The following NEBL variants were observed in gnomAD, a reference collection of about 807,000 sequenced individuals.
NEBL encodes the protein nebulette, also known as LIM and SH3 protein 2.
In NEBL, 122 loss-of-function variants were observed where a neutral mutation model predicts 140.2. The observed-to-expected ratio is 0.87, with a 90% CI of 0.75 to 1.01. The LOEUF (loss-of-function observed/expected upper bound fraction) is 1.01. Among genes scored for constraint, NEBL ranks in the 50% least tolerant of loss-of-function variants. NEBL has a pLI of 0.00. For missense variants in NEBL, 1,365 were observed against 1,231.3 expected, an observed-to-expected ratio of 1.11 and a Z score of -1.62; for synonymous variants, 436 against 398.9, an observed-to-expected ratio of 1.09 and a Z score of -1.11.
At chr10:21,000,421 A>G (rs575243754) in intron 3 of NEBL, among the ~76,000 whole-genome samples, 1 of 152,142 alleles carries the variant, frequency 6.6e-6, no homozygotes, top group Non-Finnish European at 1.5e-5. Context: ...TCCCCTGTCA[A>G]AAGTGACTTT....
At chr10:21,287,263 CAGT>C (rs1564556379) in intron 1 of NEBL, among the ~76,000 whole-genome samples, 1 of 152,104 alleles carries the variant, frequency 6.6e-6, no homozygotes. Flanking sequence ...AGGCTGGGCT[CAGT>C]AGTTCATGCC....
At chr10:21,169,067 A>AAAAATATATATATAT (rs1554830679) in intron 2 of NEBL, among the ~76,000 whole-genome samples, 12 of 23,058 alleles carry the variant, frequency 5.2e-4, no homozygotes, top group Non-Finnish European at 9.5e-4. Flanking sequence ...AAAAAAAAAA[A>AAAAATATATATATAT]ATATATATAT....
At chr10:21,004,535 A>G (rs1459229819) in intron 3 of NEBL, among the ~76,000 whole-genome samples, 2 of 152,158 alleles carry the variant, frequency 1.3e-5, no homozygotes, top group Non-Finnish European at 2.9e-5. Flanking sequence ...CCTGGCTAAC[A>G]CAGTGAAACC....
intron 2 of NEBL, among the ~76,000 whole-genome samples, chr10:21,106,636 T>G (rs1364445955): frequency 1.3e-5 from 2 of 152,200 alleles, no homozygotes; most frequent in African/African-American, 4.8e-5. Context: ...TCCCACTTTG[T>G]TCTTTTTGCT....
chr10:20,916,275 G>T (rs1223755964), intron 4 of NEBL, among the ~76,000 whole-genome samples: 1 of 152,168 alleles, frequency 6.6e-6, no homozygotes, highest in Admixed American at 6.5e-5. Flanking sequence ...GCAAAGTGGG[G>T]AAGGAGGGAA....
At chr10:20,844,268 A>C (rs1201226798) in intron 12 of NEBL, among the ~76,000 whole-genome samples, 1 of 152,050 alleles carries the variant, frequency 6.6e-6, no homozygotes, top group African/African-American at 2.4e-5. Flanking sequence ...CTGGTCTAAG[A>C]GATTTCCTTC....
intron 4 of NEBL, among the ~76,000 whole-genome samples, chr10:20,919,742 T>C (rs550237704): frequency 6.6e-6 from 1 of 152,216 alleles, no homozygotes; most frequent in East Asian, 1.9e-4. Flanking sequence ...GGGAATTGCT[T>C]TACAACCTGG....
At chr10:20,963,733 A>G (rs1836165783) in intron 3 of NEBL, among the ~76,000 whole-genome samples, 1 of 152,164 alleles carries the variant, frequency 6.6e-6, no homozygotes, top group African/African-American at 2.4e-5. Context: ...ACTGTTCAAC[A>G]ATCCTTTCCA....
intron 24 of NEBL, among the ~76,000 whole-genome samples, chr10:20,811,298 T>C (rs1386137753): frequency 6.6e-6 from 1 of 152,212 alleles, no homozygotes; most frequent in Non-Finnish European, 1.5e-5. Context: ...TCATGGTTTT[T>C]AGCAACGACC....
At chr10:20,794,503 AT>A in intron 26 of NEBL, among the ~76,000 whole-genome samples, 1 of 152,190 alleles carries the variant, frequency 6.6e-6, no homozygotes, top group East Asian at 1.9e-4. Flanking sequence ...AAATCTATTT[AT>A]TTTGGTGAAA....
Position 20,851,103 on chromosome 10 carries a change from C to T in NEBL, c.1009-601G>A, listed in dbSNP as rs548177298. 5.9e-5 allele frequency among the ~76,000 whole-genome samples: 9 copies of T among 152,078 alleles called. No homozygotes were observed. In the South Asian group the frequency reaches 1.7e-3, roughly 28 times the overall value. On this transcript the variant is annotated intron_variant, in intron 10 of 27. Transcript: ENST00000377122. ...TTACAGTCTAATCCTCATCTTACTTCGGTTTATAAAATGAGTGATATTTTT... is the reference window on the plus strand; with the variant it reads ...TTACAGTCTAATCCTCATCTTACTTTGGTTTATAAAATGAGTGATATTTTT...
intron 1 of NEBL, among the ~76,000 whole-genome samples, chr10:21,265,534 C>T (rs190898187): frequency 3.9e-5 from 6 of 152,256 alleles, no homozygotes; most frequent in African/African-American, 1.4e-4. Flanking sequence ...TGAATTCCCT[C>T]AGAAGCAGGT....
chr10:21,202,687 T>C (rs921974298), intron 3 of NEBL, among the ~76,000 whole-genome samples: 4 of 151,808 alleles, frequency 2.6e-5, no homozygotes, highest in Admixed American at 6.6e-5. Flanking sequence ...TGGTCTCGAT[T>C]TCCTGACCTC....
At chr10:21,169,481 A>T (rs1363643775) in intron 2 of NEBL, among the ~76,000 whole-genome samples, 6 of 152,164 alleles carry the variant, frequency 3.9e-5, no homozygotes, top group Admixed American at 3.9e-4. Flanking sequence ...CGTGAATTAG[A>T]GCCAATGAGT....
intron 13 of NEBL, among the ~76,000 whole-genome samples, chr10:20,839,209 C>T (rs944823186): frequency 3.9e-5 from 6 of 152,252 alleles, no homozygotes; most frequent in African/African-American, 1.4e-4. Context: ...CGCCATCCTG[C>T]CATTCAACTG....
chr10:20,814,134 A>T, intron 22 of NEBL, 91 bp from the exon 23 acceptor site: 1 of 814,052 alleles, frequency 1.2e-6, no homozygotes, highest in Non-Finnish European at 2.1e-6. Flanking sequence ...CATATGCAAC[A>T]TACTTGAAAT....
chr10:21,118,004 T>C (rs591652), intron 2 of NEBL, among the ~76,000 whole-genome samples: 30,970 of 152,054 alleles, frequency 0.2, 3,283 homozygotes, highest in East Asian at 0.32. Flanking sequence ...ACATCACTCC[T>C]AGCACAGAAT....
At chr10:20,884,115 CTTTG>C (rs1564418787) in intron 4 of NEBL, among the ~76,000 whole-genome samples, 1 of 152,120 alleles carries the variant, frequency 6.6e-6, no homozygotes, top group African/African-American at 2.4e-5. Context: ...GTCATATACA[CTTTG>C]TTTATATAAG....
chr10:21,209,684 T>C (rs1841886918), intron 3 of NEBL, among the ~76,000 whole-genome samples: 1 of 150,540 alleles, frequency 6.6e-6, no homozygotes, highest in African/African-American at 2.5e-5. Context: ...TTCTTTTTTT[T>C]ACCACAGTTG....
Sources: gnomAD v4.1 joint callset for allele counts (sites outside exome capture counted in the v4.1 genomes callset) on GRCh38, gnomAD v4.1.1 for gene constraint, MANE v1.5 for transcripts, NCBI Gene and HGNC (gene_info 2026-07-23, HGNC 2026-07-21) for gene names.